The following HS3ST5 variants were observed in gnomAD, a reference collection of about 807,000 sequenced individuals.
HS3ST5 encodes the protein heparan sulfate-glucosamine 3-sulfotransferase 5, also known as heparan sulfate glucosamine 3-O-sulfotransferase 5.
A neutral mutation model predicts 25.4 loss-of-function variants in HS3ST5; 10 were observed. The ratio of observed to expected loss-of-function variants is 0.39; its 90% confidence interval spans 0.24 to 0.67. HS3ST5 has a LOEUF of 0.67. HS3ST5 is among the 30% of genes least tolerant of loss of function. HS3ST5 has a pLI of 0.44. For missense variants in HS3ST5, 324 were observed against 420.7 expected (o/e 0.77, Z 2.01); for synonymous variants, 170 against 162.4 (o/e 1.05, Z -0.36).
chr6:114,329,473 G>A (rs73544443), intron 1 of HS3ST5, among the ~76,000 whole-genome samples: 1 of 152,196 alleles, frequency 6.6e-6, no homozygotes, highest in African/African-American at 2.4e-5. Context: ...CTGCCACAGA[G>A]GCTGGCACTG....
chr6:114,192,711 T>A (rs980395034), intron 2 of HS3ST5, among the ~76,000 whole-genome samples: 15 of 152,192 alleles, frequency 9.9e-5, no homozygotes, highest in African/African-American at 3.4e-4. Flanking sequence ...CACAGATTAT[T>A]CAGCTAGAGA....
intron 1 of HS3ST5, chr6:114,340,526 C>T (rs1374678451): frequency 6.6e-6 from 1 of 152,152 alleles, no homozygotes; most frequent in Non-Finnish European, 1.5e-5. Context: ...CATCAGTTCA[C>T]TGGTGAATAA....
chr6:114,081,544 C>T (rs544268168), intron 3 of HS3ST5, among the ~76,000 whole-genome samples: 25 of 152,256 alleles, frequency 1.6e-4, no homozygotes, highest in African/African-American at 5.5e-4. Flanking sequence ...GATGGAGCAA[C>T]GGTTCCTCTC....
chr6:114,230,377 ATTATTC>A (rs1771524797), intron 1 of HS3ST5: 1 of 152,016 alleles, frequency 6.6e-6, no homozygotes, highest in Non-Finnish European at 1.5e-5. Context: ...CTCAAAGTTC[ATTATTC>A]TTATCTCACA....
chr6:114,317,783 A>AATGATGGGAGGC (rs1451223419), intron 1 of HS3ST5, among the ~76,000 whole-genome samples: 5 of 61,522 alleles, frequency 8.1e-5, no homozygotes, highest in African/African-American at 1.8e-4. Flanking sequence ...CCATAAGAGT[A>AATGATGGGAGGC]ATGATGGGAG....
chr6:114,191,750 T>C (rs1218134861), intron 2 of HS3ST5, among the ~76,000 whole-genome samples: 2 of 152,146 alleles, frequency 1.3e-5, no homozygotes, highest in Admixed American at 1.3e-4. Context: ...TTTGGCCCTG[T>C]CCACCGTGGT....
chr6:114,100,229 T>C (rs182390741), intron 3 of HS3ST5, among the ~76,000 whole-genome samples: 1 of 152,206 alleles, frequency 6.6e-6, no homozygotes, highest in Admixed American at 6.5e-5. Flanking sequence ...CTTCCCCACA[T>C]ACATGTCTTT....
At chr6:114,329,800 ATAAT>A (rs1346177143) in intron 1 of HS3ST5, among the ~76,000 whole-genome samples, 1 of 152,166 alleles carries the variant, frequency 6.6e-6, no homozygotes, top group Non-Finnish European at 1.5e-5. Flanking sequence ...TGTGTGCTAG[ATAAT>A]TAATTATCTT....
In HS3ST5 at chr6:114,139,118, A is replaced by G. The variant is rs1777777664; in HGVS notation, c.-33+29233T>C. Reference sequence around the variant, plus strand: ...CAGCACCATTCAGTCCCACAGGAATATCTTTGCCCTGTTGCCTTGATCTTC... The same window carrying G: ...CAGCACCATTCAGTCCCACAGGAATGTCTTTGCCCTGTTGCCTTGATCTTC... On this transcript the variant is annotated intron_variant, in intron 3 of 4. Transcript: ENST00000312719. Among the ~76,000 whole-genome samples the G allele has an allele frequency of 2.0e-5, 3 of 152,206 alleles. No homozygotes were observed. The East Asian group carries it at 5.8e-4, about 29-fold the overall frequency.
rs140790198 is a variant in HS3ST5 at position 114,247,131 on chromosome 6, T to A, written c.-338-18353A>T. Among the ~76,000 whole-genome samples, 196 of 152,324 alleles carry A rather than the reference T, an allele frequency of 1.3e-3. No homozygotes were observed. The Middle Eastern group carries it at 0.014, about 11-fold the overall frequency. ...TGGTGGAACTGGTAATTCACTCAAC[T>A]GTGGGTTATTGTTTCTTATCTTTCT... On this transcript the variant is annotated intron_variant, in intron 1 of 4. Coordinates refer to ENST00000312719, the MANE Select transcript of HS3ST5 (RefSeq NM_153612.4).
At chr6:114,099,130 C>T (rs1469011432) in intron 3 of HS3ST5, among the ~76,000 whole-genome samples, 3 of 152,162 alleles carry the variant, frequency 2.0e-5, no homozygotes, top group East Asian at 3.8e-4. Context: ...GAAAGGGCTG[C>T]TCTTCCATGC....
chr6:114,079,316 T>C (rs1195768872), intron 3 of HS3ST5, among the ~76,000 whole-genome samples: 13 of 152,242 alleles, frequency 8.5e-5, no homozygotes, highest in Non-Finnish European at 8.8e-5. Flanking sequence ...AATGTGTCTC[T>C]ACTTTATCAA....
rs374603293 is a variant in HS3ST5, at chr6:114,149,211, C to T, written c.-33+19140G>A. Among the ~76,000 whole-genome samples, 22 of 152,314 alleles carry T rather than the reference C, an allele frequency of 1.4e-4. No individual in the cohort carries two copies. The South Asian group carries it at 3.9e-3, about 27-fold the overall frequency. On this transcript the variant is annotated intron_variant, in intron 3 of 4. Coordinates refer to ENST00000312719, the MANE Select transcript of HS3ST5 (RefSeq NM_153612.4). ...ATCTAGAACCAGAAATACCATTTGA[C>T]TCAGCAATCCCATTACTGGGTATAT...
chr6:114,164,983 CCTCTGAAA>C (rs1779138307), intron 3 of HS3ST5, among the ~76,000 whole-genome samples: 1 of 152,166 alleles, frequency 6.6e-6, no homozygotes, highest in Non-Finnish European at 1.5e-5. Flanking sequence ...ACCATTAATT[CCTCTGAAA>C]AACTGTTAAA....
chr6:114,218,740 A>T (rs1781888454), intron 2 of HS3ST5, among the ~76,000 whole-genome samples: 1 of 152,200 alleles, frequency 6.6e-6, no homozygotes, highest in Non-Finnish European at 1.5e-5. Context: ...TCAAACACGT[A>T]ACTTTTTTAT....
chr6:114,261,919 C>T (rs956240753), intron 1 of HS3ST5, among the ~76,000 whole-genome samples: 26 of 152,138 alleles, frequency 1.7e-4, no homozygotes, highest in African/African-American at 6.0e-4. Flanking sequence ...TCTGTGTCCT[C>T]GTGGAACTTA....
At chr6:114,274,078 T>C (rs1210453988) in intron 1 of HS3ST5, among the ~76,000 whole-genome samples, 1 of 151,876 alleles carries the variant, frequency 6.6e-6, no homozygotes, top group Non-Finnish European at 1.5e-5. Context: ...TACAAGGGAA[T>C]GGGATCTAGT....
chr6:114,308,504 A>G (rs899415503), intron 1 of HS3ST5, among the ~76,000 whole-genome samples: 1 of 151,916 alleles, frequency 6.6e-6, no homozygotes, highest in Non-Finnish European at 1.5e-5. Flanking sequence ...GGAGAATGGC[A>G]TGAACCCAGG....
At chr6:114,259,577 C>A (rs1202879952) in intron 1 of HS3ST5, among the ~76,000 whole-genome samples, 2 of 152,150 alleles carry the variant, frequency 1.3e-5, no homozygotes, top group East Asian at 3.8e-4. Flanking sequence ...GAAATGGGTT[C>A]TCTTTTGAAA....
Sources: allele counts gnomAD v4.1 joint callset (sites outside exome capture counted in the v4.1 genomes callset), GRCh38; gene constraint gnomAD v4.1.1; transcripts MANE v1.5; gene names NCBI Gene and HGNC (gene_info 2026-07-23, HGNC 2026-07-21).